ZIC4: variants seen among roughly 807,000 people sequenced by gnomAD.
ZIC4 encodes zinc finger protein ZIC 4.
A neutral mutation model predicts 28.8 loss-of-function variants in ZIC4; 15 were observed. That is an observed-to-expected ratio of 0.52 (90% CI 0.35 to 0.80). The LOEUF (loss-of-function observed/expected upper bound fraction) is 0.80, where lower values mean the gene tolerates loss of function less well. ZIC4 is among the 30% of genes least tolerant of loss of function. The probability of loss-of-function intolerance (pLI) is 0.01; values close to 1 mark genes in which losing one functional copy is unlikely to be tolerated. For missense variants in ZIC4, 512 were observed against 467.1 expected (o/e 1.10, Z -0.89); for synonymous variants, 220 against 198.1 (o/e 1.11, Z -0.93).
At chr3:147,401,276 T>C (rs1355258613) in intron 2 of ZIC4, among the ~76,000 whole-genome samples, 2 of 152,182 alleles carry the variant, frequency 1.3e-5, no homozygotes, top group Admixed American at 6.5e-5. Flanking sequence ...CTGGTTTGAA[T>C]GTCTGATCTC....
rs188345009 is a variant in ZIC4 at position 147,386,059 on chromosome 3, G to A, written c.*2800C>T. 6.6e-6 allele frequency: 1 copy of A among 152,348 alleles called. No individual in the cohort carries two copies. The highest frequency in any genetic ancestry group is 1.5e-5 in the Non-Finnish European group (1 of 68,040). The allele number at this position is 152,348 out of a possible 1,614,324, so 9.4% of individuals were successfully genotyped here. On this transcript the variant is annotated 3_prime_UTR_variant, in exon 5 of 5. Coordinates refer to ENST00000383075, the MANE Select transcript of ZIC4 (RefSeq NM_032153.6). ...AGGACACCAGGATTCAAAAGAGGAA[G>A]AGAAACATCACATTATTTATTTCCA...
intron 3 of ZIC4, chr3:147,394,082 TGA>T (rs1252940903): frequency 4.9e-6 from 2 of 411,568 alleles, no homozygotes; most frequent in African/African-American, 4.1e-5. Context: ...TAATTTGTAG[TGA>T]GGTCTATTGC....
Position 147,397,352 on chromosome 3 carries a change from C to T in ZIC4, c.71-883G>A, listed in dbSNP as rs561357561. 3.0e-4 allele frequency among the ~76,000 whole-genome samples: 45 copies of T among 152,144 alleles called. No individual in the cohort carries two copies. The East Asian group carries it at 5.9e-3, about 20-fold the overall frequency. On this transcript the variant is annotated intron_variant, in intron 2 of 4. Coordinates refer to ENST00000383075, the MANE Select transcript of ZIC4 (RefSeq NM_032153.6). ...TCTCTCTCTCTCTCTCTCACACTTC[C>T]CTGCTCCAACCGCCACCCCCTCACA...
chr3:147,392,692 A>G (rs1039189839), intron 3 of ZIC4: 7 of 152,946 alleles, frequency 4.6e-5, no homozygotes, highest in Non-Finnish European at 8.7e-5. Flanking sequence ...GCTGGTTAGA[A>G]CAAACAAAGC....
rs1250965647 is a variant in ZIC4, at chr3:147,391,328, C to T, written c.689-82G>A. 3.5e-6 allele frequency: 5 copies of T among 1,432,188 alleles called. No homozygotes were observed. The African/African-American group carries it at 5.8e-5, about 16-fold the overall frequency. The allele number at this position is 1,432,188 out of a possible 1,614,324, so 88.7% of individuals were successfully genotyped here. A position where few individuals can be genotyped will look rare whatever the true frequency, so the allele number is the denominator to read the frequency against. On this transcript the variant is annotated intron_variant, in intron 3 of 4. Transcript: ENST00000383075. ...TTGCCACCCTCCCCCATTCGTCTCT[C>T]ATTTTCTGGAAAAGAACTACAAAAT...
Position 147,391,100 on chromosome 3 carries a change from T to A in ZIC4, c.835A>T (p.Ser279Cys), listed in dbSNP as rs2086907949. 6.2e-7 allele frequency: 1 copy of A among 1,614,022 alleles called. No homozygotes were observed. Among genetic ancestry groups the A allele is most frequent in the Non-Finnish European group, 8.5e-7 (1 of 1,180,040 alleles). Reference protein sequence around the residue: ...RGCDKCYTHPSSLRKHMKVHG... With the variant: ...RGCDKCYTHPCSLRKHMKVHG... ...ACCTTCATGTGCTTACGCAGCGAGC[T>A]GGGGTGCGTGTAGCACTTGTCGCAG... Residue 279 changes from serine (S) to cysteine (C), a missense_variant, in exon 4 of 5, where the codon AGC (serine) becomes TGC (cysteine). Ser to Cys is a moderately radical substitution (Grantham distance 112). Coordinates refer to ENST00000383075, the MANE Select transcript of ZIC4 (RefSeq NM_032153.6).
chr3:147,392,207 G>A (rs1226808875), intron 3 of ZIC4: 2 of 985,488 alleles, frequency 2.0e-6, no homozygotes, highest in Admixed American at 6.1e-5. Context: ...GGTGTCTACC[G>A]CAACCACGCC....
chr3:147,389,085 G>C (rs541836276), intron 4 of ZIC4: 15 of 582,596 alleles, frequency 2.6e-5, no homozygotes, highest in Non-Finnish European at 3.7e-5. Context: ...TTCACTATGG[G>C]AAGGAGTTGT....
intron 3 of ZIC4, chr3:147,392,275 C>T (rs1178238444): frequency 1.0e-6 from 1 of 985,812 alleles, no homozygotes; most frequent in Non-Finnish European, 1.2e-6. Flanking sequence ...AGGCCTGGCT[C>T]CGCAGCCCGG....
Position 147,396,206 on chromosome 3 carries a change from C to A in ZIC4, c.334G>T (p.Gly112Cys), listed in dbSNP as rs762572302. 3 of 1,614,032 alleles carry A rather than the reference C, an allele frequency of 1.9e-6. No individual in the cohort carries two copies. The highest frequency in any genetic ancestry group is 2.5e-6 in the Non-Finnish European group (3 of 1,179,996). Residue 112 changes from glycine (G) to cysteine (C), a missense_variant, in exon 3 of 5, where the codon GGT becomes TGT. Physicochemically the swap from Gly to Cys is radical, Grantham distance 159. Coordinates refer to ENST00000383075, the MANE Select transcript of ZIC4 (RefSeq NM_032153.6). The surrounding 1 kb of genome is among the most constrained non-coding windows in gnomAD (Gnocchi z 4.2). ...NLTVNLAAPH[G>C]PGAFFRYMRQ... ...ATGTAGCGGAAGAAAGCGCCAGGACCGTGGGGCGCAGCGAGGTTCACCGTC... is the reference window on the plus strand; with the variant it reads ...ATGTAGCGGAAGAAAGCGCCAGGACAGTGGGGCGCAGCGAGGTTCACCGTC...
chr3:147,393,554 C>T (rs910030828), intron 3 of ZIC4: 10 of 249,672 alleles, frequency 4.0e-5, no homozygotes, highest in Non-Finnish European at 6.4e-5. Context: ...ATCCCAGAGG[C>T]CCAGCAGTCC....
chr3:147,394,785 C>A lies in ZIC4; in HGVS notation c.688+1067G>T, dbSNP rs1454651709. Among the ~76,000 whole-genome samples the A allele has an allele frequency of 2.0e-5, 3 of 152,200 alleles. No individual in the cohort carries two copies. The East Asian group carries it at 5.8e-4, about 29-fold the overall frequency. ...TGCCAGTGTCCGGGCCATGGACCTT[C>A]CCCGGGAAGGGAGAGTTTGGGGAGA... On this transcript the variant is annotated intron_variant, in intron 3 of 4. Transcript: ENST00000383075.
chr3:147,391,364 A>G (rs2086914207), intron 3 of ZIC4, 118 bp from the exon 4 acceptor site: 54 of 1,326,968 alleles, frequency 4.1e-5, no homozygotes, highest in Non-Finnish European at 5.3e-5. Flanking sequence ...ATTTTCAGAA[A>G]TCCCTTTCCA....
intron 4 of ZIC4, among the ~76,000 whole-genome samples, chr3:147,389,657 A>G (rs2086869390): frequency 6.6e-6 from 1 of 152,026 alleles, no homozygotes; most frequent in South Asian, 2.1e-4. Flanking sequence ...CCCTCCTTCA[A>G]CATCTGGTTC....
chr3:147,406,085 G>T (rs1046140726), intron 1 of ZIC4: 2 of 158,636 alleles, frequency 1.3e-5, no homozygotes, highest in Non-Finnish European at 2.8e-5. Flanking sequence ...AGCCCCATTT[G>T]TACCCCTTTT....
intron 4 of ZIC4, 52 bp downstream of exon 4, chr3:147,390,879 G>A: frequency 6.4e-7 from 1 of 1,555,124 alleles, no homozygotes; most frequent in South Asian, 1.2e-5. Context: ...GCTCGGGGCT[G>A]AGGATCGCGG....
chr3:147,406,215 AG>A (rs1321303710), intron 1 of ZIC4, 147 bp downstream of exon 1: 3 of 152,800 alleles, frequency 2.0e-5, no homozygotes, highest in African/African-American at 7.2e-5. Flanking sequence ...GGAGGGGGGT[AG>A]GATGAAGGAG....
chr3:147,404,155 C>G (rs2087225804), intron 1 of ZIC4: 1 of 1,525,540 alleles, frequency 6.6e-7, no homozygotes, highest in South Asian at 1.2e-5. Flanking sequence ...ATGGAAAAGT[C>G]CTGGTTGGTT....
intron 1 of ZIC4, chr3:147,404,117 G>C: frequency 6.5e-7 from 1 of 1,535,162 alleles, no homozygotes; most frequent in Non-Finnish European, 8.7e-7. Context: ...TCCTCGCTCT[G>C]AAATTTCCTC....
Sources: gnomAD v4.1 joint callset for allele counts (sites outside exome capture counted in the v4.1 genomes callset) on GRCh38, gnomAD v4.1.1 for gene constraint, Gnocchi (gnomAD v3.1) non-coding constraint, MANE v1.5 for transcripts, NCBI Gene and HGNC (gene_info 2026-07-23, HGNC 2026-07-21) for gene names.